Variants in SOCS6 observed in about 807,000 individuals in gnomAD.
SOCS6 encodes the protein STAT induced STAT inhibitor-4.
In SOCS6, 5 loss-of-function variants were observed where a neutral mutation model predicts 27.7. The ratio of observed to expected loss-of-function variants is 0.18; its 90% CI spans 0.09 to 0.38. The LOEUF (loss-of-function observed/expected upper bound fraction) is 0.38, where lower values mean the gene tolerates loss of function less well. Ranked by LOEUF, SOCS6 falls within the 10% of genes least tolerant of loss-of-function variation. The pLI, the probability that SOCS6 is intolerant of heterozygous loss-of-function variation, is 1.00. For synonymous variants in SOCS6, 271 were observed against 260.0 expected, an observed-to-expected ratio of 1.04 and a Z score of -0.41; for missense variants, 595 against 688.1, an observed-to-expected ratio of 0.86 and a Z score of 1.51.
chr18:70,311,773 C>T (rs72967524), intron 1 of SOCS6, among the ~76,000 whole-genome samples: 3,971 of 152,280 alleles, frequency 0.026, 72 homozygotes, highest in Middle Eastern at 0.071. Context: ...GTGGGCATCT[C>T]GCTTTATCTC....
rs78322157 is a variant in SOCS6 at position 70,294,089 on chromosome 18, TA to T, written c.-127+5014del. Among the ~76,000 whole-genome samples, 973 of 137,048 alleles carry T rather than the reference TA, an allele frequency of 7.1e-3. 4 individuals are homozygous for T. Among genetic ancestry groups the T allele is most frequent in the African/African-American group, 0.012 (451 of 37,124 alleles). 89.9% of individuals were successfully genotyped at this position (137,048 alleles called of 152,430 possible). A position where few individuals can be genotyped will look rare whatever the true frequency, so the allele number is the denominator to read the frequency against. ...CTGGGCAACAGAGCGAGACTCCGTT[TA>T]AAAAAAAAAAAAAAGAAAGAAAATG... On this transcript the variant is annotated intron_variant, in intron 1 of 1. Coordinates refer to ENST00000397942, the MANE Select transcript of SOCS6 (RefSeq NM_004232.4).
intron 1 of SOCS6, among the ~76,000 whole-genome samples, chr18:70,314,871 A>G (rs867358548): frequency 0.046 from 6,986 of 150,240 alleles, 213 homozygotes; most frequent in Middle Eastern, 0.1. Context: ...GTGTGTATAT[A>G]TATATATATA....
chr18:70,319,608 TAAAAAAAAAAAAAAA>T (rs34494275), intron 1 of SOCS6, among the ~76,000 whole-genome samples: 1 of 126,350 alleles, frequency 7.9e-6, no homozygotes, highest in Non-Finnish European at 1.7e-5. Flanking sequence ...AGCACTTCAG[TAAAAAAAAAAAAAAA>T]AAAAAAAAAT....
intron 1 of SOCS6, among the ~76,000 whole-genome samples, chr18:70,296,918 T>TTTTTTC (rs397957238): frequency 2.6e-5 from 4 of 151,520 alleles, no homozygotes; most frequent in South Asian, 2.1e-4. Flanking sequence ...TTTTTTTTTT[T>TTTTTTC]CTGTCTTAAG....
In SOCS6 at chr18:70,326,566, C is replaced by T. The variant is rs1911218181; in HGVS notation, c.*290C>T. On this transcript the variant is annotated 3_prime_UTR_variant, in exon 2 of 2. Coordinates refer to ENST00000397942, the MANE Select transcript of SOCS6 (RefSeq NM_004232.4). ...ATCAAATTCTCCTCAATGCCCCCCC[C>T]GCCCAGTCCTTTGCTGCTATCCACT... 2.3e-5 allele frequency: 8 copies of T among 346,444 alleles called. No homozygotes were observed. The South Asian group carries it at 3.3e-4, about 14-fold the overall frequency. 21.5% of individuals were successfully genotyped at this position (346,444 alleles called of 1,614,324 possible).
intron 1 of SOCS6, among the ~76,000 whole-genome samples, chr18:70,319,612 A>T (rs1176223755): frequency 1.5e-4 from 5 of 32,646 alleles, no homozygotes; most frequent in African/African-American, 5.5e-4. Flanking sequence ...CTTCAGTAAA[A>T]AAAAAAAAAA....
chr18:70,329,111 CTA>C lies in SOCS6; in HGVS notation c.*2837_*2838del, dbSNP rs1001966197. On this transcript the variant is annotated 3_prime_UTR_variant, in exon 2 of 2. Coordinates refer to ENST00000397942, the MANE Select transcript of SOCS6 (RefSeq NM_004232.4). ...AGCTATTTTTAGGCTTACTATAACA[CTA>C]TTATGCATTTTTATAAATAAGAAGA... 3.0e-5 allele frequency: 5 copies of C among 166,996 alleles called. No individual in the cohort carries two copies. Among genetic ancestry groups the C allele is most frequent in the South Asian group, 2.1e-4 (1 of 4,830 alleles). The allele number at this position is 166,996 out of a possible 1,614,324, so 10.3% of individuals were successfully genotyped here.
At chr18:70,298,167 T>TAA (rs61517039) in intron 1 of SOCS6, among the ~76,000 whole-genome samples, 2 of 151,502 alleles carry the variant, frequency 1.3e-5, no homozygotes, top group African/African-American at 4.8e-5. Context: ...CTTTTAATCT[T>TAA]AAAGCAATGA....
At position 70,327,600 on chromosome 18, in the gene SOCS6, G is replaced by A. The variant is rs763031863; in HGVS notation, c.*1324G>A. 1.8e-5 allele frequency: 3 copies of A among 166,926 alleles called. No homozygotes were observed. The highest frequency in any genetic ancestry group is 6.5e-5 in the Admixed American group (1 of 15,280). 10.3% of individuals were successfully genotyped at this position (166,926 alleles called of 1,614,324 possible). A position where few individuals can be genotyped will look rare whatever the true frequency, so the allele number is the denominator to read the frequency against. ...GCTAATAATTTTATCTCCTTGAGTCGGTTGTTGGGGAGAGATGTTATATTC... is the reference window on the plus strand; with the variant it reads ...GCTAATAATTTTATCTCCTTGAGTCAGTTGTTGGGGAGAGATGTTATATTC... On this transcript the variant is annotated 3_prime_UTR_variant, in exon 2 of 2. Transcript: ENST00000397942.
chr18:70,312,258 G>C (rs2062393541), intron 1 of SOCS6, among the ~76,000 whole-genome samples: 1 of 152,066 alleles, frequency 6.6e-6, no homozygotes, highest in Non-Finnish European at 1.5e-5. Flanking sequence ...GCACATAGTA[G>C]GCCAATATGT....
chr18:70,326,343 C>A lies in SOCS6; in HGVS notation c.*67C>A. The A allele has an allele frequency of 1.5e-6, 2 of 1,300,658 alleles. No individual in the cohort carries two copies. Among genetic ancestry groups the A allele is most frequent in the Non-Finnish European group, 2.1e-6 (2 of 937,216 alleles). The allele number at this position is 1,300,658 out of a possible 1,614,324, so 80.6% of individuals were successfully genotyped here. On this transcript the variant is annotated 3_prime_UTR_variant, in exon 2 of 2. Coordinates refer to ENST00000397942, the MANE Select transcript of SOCS6 (RefSeq NM_004232.4). ...AAGAGATTGAAATACAGTTTACAAA[C>A]TTTCATTGCCATCAAAATCTTTTGC...
At chr18:70,310,277 A>G (rs2062385192) in intron 1 of SOCS6, among the ~76,000 whole-genome samples, 1 of 146,158 alleles carries the variant, frequency 6.8e-6, no homozygotes, top group African/African-American at 2.6e-5. Context: ...GTTTTCATAA[A>G]TGGTTTTTTT....
At chr18:70,317,877 C>T (rs768549642) in intron 1 of SOCS6, among the ~76,000 whole-genome samples, 5 of 152,148 alleles carry the variant, frequency 3.3e-5, no homozygotes, top group Non-Finnish European at 7.3e-5. Context: ...CAGGGCCCTA[C>T]ACTCGGTCAC....
chr18:70,310,122 C>T (rs779954973), intron 1 of SOCS6, among the ~76,000 whole-genome samples: 4 of 152,278 alleles, frequency 2.6e-5, no homozygotes, highest in East Asian at 3.9e-4. Context: ...TTTAAATTGA[C>T]GTACACACTT....
Position 70,324,915 on chromosome 18 carries a change from G to A in SOCS6, c.247G>A (p.Ala83Thr), listed in dbSNP as rs1224415514. The A allele has an allele frequency of 6.2e-7, 1 of 1,614,200 alleles. No homozygotes were observed. Among genetic ancestry groups the A allele is most frequent in the Non-Finnish European group, 8.5e-7 (1 of 1,180,034 alleles). ...GGGTACGCTAAAAAGGCGGCTTTCT[G>A]CAAAACAGAAGTCAAAAGGCAAGGC... ...LMGTLKRRLS[A>T]KQKSKGKAGT... The change falls in exon 2 of 2, where the codon GCA (alanine) becomes ACA (threonine). Residue 83 changes from alanine to threonine, a missense_variant. Ala to Thr is a moderately conservative substitution (Grantham distance 58). Transcript: ENST00000397942.
intron 1 of SOCS6, among the ~76,000 whole-genome samples, chr18:70,293,751 C>T (rs1165273860): frequency 6.6e-6 from 1 of 151,996 alleles, no homozygotes; most frequent in Non-Finnish European, 1.5e-5. Flanking sequence ...GGTTTTGTTC[C>T]TTTACGTATA....
At chr18:70,314,711 A>G (rs980687089) in intron 1 of SOCS6, among the ~76,000 whole-genome samples, 29 of 152,292 alleles carry the variant, frequency 1.9e-4, no homozygotes, top group African/African-American at 6.5e-4. Context: ...TAATCATTTC[A>G]TAAGGATAAT....
chr18:70,293,816 G>T (rs572276662), intron 1 of SOCS6, among the ~76,000 whole-genome samples: 1 of 152,288 alleles, frequency 6.6e-6, no homozygotes, highest in South Asian at 2.1e-4. Context: ...GAGATAGCCG[G>T]GCGCGGTGGC....
At chr18:70,314,695 G>A (rs1329139647) in intron 1 of SOCS6, among the ~76,000 whole-genome samples, 4 of 152,084 alleles carry the variant, frequency 2.6e-5, no homozygotes, top group African/African-American at 7.2e-5. Flanking sequence ...TGAATTTTCA[G>A]ATGTTTAATC....
Sources: gnomAD v4.1 joint callset for allele counts (sites outside exome capture counted in the v4.1 genomes callset) on GRCh38, gnomAD v4.1.1 for gene constraint, MANE v1.5 for transcripts, NCBI Gene and HGNC (gene_info 2026-07-23, HGNC 2026-07-21) for gene names.